Variants in HRH1 observed in about 807,000 individuals in gnomAD.
HRH1 encodes the protein histamine receptor H1.
Under a neutral mutation model 10.3 loss-of-function variants are expected in HRH1, and 6 were observed. That is an observed-to-expected ratio of 0.58 (90% CI 0.32 to 1.15). HRH1 has a LOEUF of 1.15. HRH1 is among the 50% of genes most tolerant of loss of function. The pLI is 0.05. For missense variants in HRH1, 514 were observed against 615.3 expected (o/e 0.84, Z 1.74); for synonymous variants, 242 against 236.7 (o/e 1.02, Z -0.21).
In HRH1 at chr3:11,260,169, A is replaced by G; in HGVS notation, c.1132A>G (p.Ser378Gly). 3 of 1,613,966 alleles carry G rather than the reference A, an allele frequency of 1.9e-6. No homozygotes were observed. Among genetic ancestry groups the G allele is most frequent in the African/African-American group, 2.7e-5 (2 of 75,006 alleles). ...AGCACCAGGCAAAGGCAAATTGAGG[A>G]GTGGGTCTAACACAGGCCTGGATTA... ...ETAPGKGKLR[S>G]GSNTGLDYIK... The change falls in exon 2 of 2, where the codon AGT becomes GGT. Residue 378 changes from serine (S) to glycine (G), a missense_variant. By Grantham distance (56) the Ser-to-Gly change is moderately conservative. Coordinates refer to ENST00000431010, the MANE Select transcript of HRH1 (RefSeq NM_001098212.2).
At chr3:11,204,305 T>C (rs1938038678) in intron 1 of HRH1, among the ~76,000 whole-genome samples, 1 of 152,100 alleles carries the variant, frequency 6.6e-6, no homozygotes, top group African/African-American at 2.4e-5. Flanking sequence ...GGGACACATA[T>C]TAAATAATCC....
Position 11,215,479 on chromosome 3 carries a change from C to T in HRH1, c.-35-43524C>T, listed in dbSNP as rs183570225. The stretch of plus-strand genomic sequence containing the variant: ...TTTTTGAGATAGAGTCTCGCTCTAT[C>T]GCCCAGGCTGGAGTGCAGTGGCACG... On this transcript the variant is annotated intron_variant, in intron 1 of 1. Transcript: ENST00000431010. 9.2e-5 allele frequency among the ~76,000 whole-genome samples: 14 copies of T among 152,200 alleles called. No homozygotes were observed. The East Asian group carries it at 2.7e-3, about 29-fold the overall frequency.
At chr3:11,191,414 C>A (rs937388590) in intron 1 of HRH1, among the ~76,000 whole-genome samples, 1 of 152,168 alleles carries the variant, frequency 6.6e-6, no homozygotes, top group African/African-American at 2.4e-5. Flanking sequence ...CCACCTCCCC[C>A]TCTTCCCATA....
intron 1 of HRH1, among the ~76,000 whole-genome samples, chr3:11,211,311 G>A (rs1938320288): frequency 6.6e-6 from 1 of 152,220 alleles, no homozygotes; most frequent in South Asian, 2.1e-4. Flanking sequence ...CCTCAGACCA[G>A]CTTTGTAATT....
chr3:11,187,646 T>C (rs889992492), intron 1 of HRH1, among the ~76,000 whole-genome samples: 6 of 152,178 alleles, frequency 3.9e-5, no homozygotes, highest in South Asian at 2.1e-4. Context: ...GGCAAACTTA[T>C]GCATGCAGGA....
chr3:11,156,214 A>T (rs1278881673), intron 1 of HRH1, among the ~76,000 whole-genome samples: 2 of 152,134 alleles, frequency 1.3e-5, no homozygotes, highest in African/African-American at 2.4e-5. Flanking sequence ...AGGGCAGGGG[A>T]TGCCTGGCAT....
chr3:11,214,330 G>A (rs1047318891), intron 1 of HRH1, among the ~76,000 whole-genome samples: 3 of 152,198 alleles, frequency 2.0e-5, no homozygotes, highest in Non-Finnish European at 4.4e-5. Context: ...GAATCATTTT[G>A]TTGGCAAGTC....
chr3:11,149,827 G>GGAAA (rs1936561325), upstream of HRH1, among the ~76,000 whole-genome samples: 1 of 152,176 alleles, frequency 6.6e-6, no homozygotes, highest in South Asian at 2.1e-4. Flanking sequence ...GAGAATTCCT[G>GGAAA]GAAAGAACTC....
chr3:11,152,645 C>T (rs1196525626), upstream of HRH1, among the ~76,000 whole-genome samples: 1 of 149,580 alleles, frequency 6.7e-6, no homozygotes, highest in Non-Finnish European at 1.5e-5. Context: ...CCTCCATCCC[C>T]CCCTTACCTC....
At chr3:11,203,243 A>G (rs1479201606) in intron 1 of HRH1, among the ~76,000 whole-genome samples, 1 of 151,920 alleles carries the variant, frequency 6.6e-6, no homozygotes, top group Non-Finnish European at 1.5e-5. Context: ...GTGTAGACAC[A>G]AGTTTTCAAG....
chr3:11,175,278 A>G (rs1243916983), intron 1 of HRH1, among the ~76,000 whole-genome samples: 1 of 152,234 alleles, frequency 6.6e-6, no homozygotes, highest in African/African-American at 2.4e-5. Flanking sequence ...AGGATCAGCA[A>G]GATTATTCAG....
intron 1 of HRH1, among the ~76,000 whole-genome samples, chr3:11,228,687 T>C (rs1938959874): frequency 1.3e-5 from 2 of 152,040 alleles, no homozygotes; most frequent in African/African-American, 4.8e-5. Flanking sequence ...GAGGCCGAGA[T>C]GGGTGGATCA....
chr3:11,172,068 T>C (rs565341552), intron 1 of HRH1, among the ~76,000 whole-genome samples: 1 of 152,352 alleles, frequency 6.6e-6, no homozygotes, highest in East Asian at 1.9e-4. Flanking sequence ...ATTTGTGTTC[T>C]CTTGAGAAAG....
At chr3:11,216,787 G>A (rs1938514000) in intron 1 of HRH1, among the ~76,000 whole-genome samples, 1 of 152,196 alleles carries the variant, frequency 6.6e-6, no homozygotes, top group South Asian at 2.1e-4. Context: ...GGCTGAGGCA[G>A]GAGAATCACT....
intron 1 of HRH1, among the ~76,000 whole-genome samples, chr3:11,156,769 ATTG>A (rs1311316022): frequency 6.6e-6 from 1 of 152,214 alleles, no homozygotes. Context: ...TTAAGAGTCC[ATTG>A]TTGTTGTTGC....
At chr3:11,144,138 A>G (rs1936353376) in intron 1 of HRH1, among the ~76,000 whole-genome samples, 1 of 152,110 alleles carries the variant, frequency 6.6e-6, no homozygotes, top group Non-Finnish European at 1.5e-5. Context: ...GGAAACCAGT[A>G]TGGAGATTTC....
chr3:11,172,893 G>C (rs1039226097), intron 1 of HRH1, among the ~76,000 whole-genome samples: 13 of 151,984 alleles, frequency 8.6e-5, no homozygotes, highest in South Asian at 2.1e-4. Context: ...TAGTAGAGAC[G>C]GGGTTTCACC....
intron 1 of HRH1, among the ~76,000 whole-genome samples, chr3:11,251,658 G>C (rs73121693): frequency 0.014 from 2,179 of 152,254 alleles, 57 homozygotes; most frequent in African/African-American, 0.05. Flanking sequence ...TTCTGCGTTT[G>C]AATTTCCTGT....
chr3:11,223,814 G>A (rs1240649027), intron 1 of HRH1, among the ~76,000 whole-genome samples: 5 of 152,240 alleles, frequency 3.3e-5, no homozygotes, highest in African/African-American at 9.6e-5. Flanking sequence ...GAGAAGTTGA[G>A]AGAAGGGTTC....
Sources: allele counts gnomAD v4.1 joint callset (sites outside exome capture counted in the v4.1 genomes callset), GRCh38; gene constraint gnomAD v4.1.1; transcripts MANE v1.5; gene names NCBI Gene and HGNC (gene_info 2026-07-23, HGNC 2026-07-21).